Variants in SLC26A8 observed in about 807,000 individuals in gnomAD.
The protein encoded by SLC26A8 is solute carrier family 26 member 8, also known as testis anion transporter 1.
A neutral mutation model predicts 105.0 loss-of-function variants in SLC26A8; 70 were observed. The observed-to-expected ratio is 0.67, with a 90% CI of 0.55 to 0.81. The LOEUF (loss-of-function observed/expected upper bound fraction) is 0.81. Among genes scored for constraint, SLC26A8 ranks in the 40% least tolerant of loss-of-function variants. The pLI is 0.00. For missense variants in SLC26A8, 998 were observed against 1,181.8 expected, an observed-to-expected ratio of 0.84 and a Z score of 2.28; for synonymous variants, 415 against 438.3, an observed-to-expected ratio of 0.95 and a Z score of 0.66.
At position 35,992,590 on chromosome 6, in the gene SLC26A8, G is replaced by A. The variant is rs754325913; in HGVS notation, c.712C>T (p.Leu238Phe). ...AMSAYLAAVA[L>F]HIMLSQLTFI... ...GTCAGCTGGGACAGCATGATATGAA[G>A]TGCCACAGCAGCCAGGTAAGCACTC... Residue 238 changes from leucine to phenylalanine, a missense_variant, in exon 6 of 20, where the codon CTT becomes TTT. By Grantham distance (22) the Leu-to-Phe change is conservative. Transcript: ENST00000490799. The A allele has an allele frequency of 1.9e-6, 3 of 1,614,156 alleles. No homozygotes were observed. Among genetic ancestry groups the A allele is most frequent in the Non-Finnish European group, 1.7e-6 (2 of 1,180,020 alleles).
chr6:35,946,231 T>TTTTTG (rs769712945), intron 19 of SLC26A8, among the ~76,000 whole-genome samples: 5 of 152,164 alleles, frequency 3.3e-5, no homozygotes, highest in Admixed American at 1.3e-4. Flanking sequence ...CACTTGAATT[T>TTTTTG]TTTTGTTTTG....
intron 5 of SLC26A8, among the ~76,000 whole-genome samples, chr6:35,995,669 ATT>A (rs3045894): frequency 0.56 from 83,052 of 149,470 alleles, 23,253 homozygotes; most frequent in South Asian, 0.71. Flanking sequence ...ACACCCAGCT[ATT>A]TTTTTTTTTT....
intron 14 of SLC26A8, 55 bp from the exon 15 acceptor site, chr6:35,959,861 G>T: frequency 1.5e-6 from 2 of 1,313,028 alleles, no homozygotes; most frequent in East Asian, 2.3e-5. Context: ...TATGGAATAA[G>T]AATAATATAT....
intron 11 of SLC26A8, among the ~76,000 whole-genome samples, chr6:35,968,338 T>G (rs1772601462): frequency 6.6e-6 from 1 of 150,598 alleles, no homozygotes; most frequent in Non-Finnish European, 1.5e-5. Flanking sequence ...AGAGATGAGG[T>G]TTCTCCATGT....
intron 3 of SLC26A8, among the ~76,000 whole-genome samples, chr6:36,004,820 A>ATTTTT (rs750395557): frequency 3.3e-5 from 4 of 122,010 alleles, no homozygotes; most frequent in South Asian, 2.6e-4. Flanking sequence ...ACCTAGTTAA[A>ATTTTT]TTTTTTTTTT....
chr6:35,951,429 G>T lies in SLC26A8; in HGVS notation c.2287+16C>A. The stretch of plus-strand genomic sequence containing the variant: ...AGGGTGCAAAACAGCCCTCTCATAG[G>T]GTGAAGGATACTCACAGTGACACCC... On this transcript the variant is annotated intron_variant, in intron 18 of 19. Coordinates refer to ENST00000490799, the MANE Select transcript of SLC26A8 (RefSeq NM_052961.4). 3.1e-6 allele frequency: 5 copies of T among 1,614,028 alleles called. No individual in the cohort carries two copies. Among genetic ancestry groups the T allele is most frequent in the Non-Finnish European group, 4.2e-6 (5 of 1,179,972 alleles).
intron 19 of SLC26A8, among the ~76,000 whole-genome samples, chr6:35,950,648 T>C (rs1484968250): frequency 6.6e-6 from 1 of 152,168 alleles, no homozygotes; most frequent in Non-Finnish European, 1.5e-5. Flanking sequence ...TTGCATTTGG[T>C]CAGCTTGAGT....
chr6:35,963,737 A>G (rs539467385), intron 11 of SLC26A8, among the ~76,000 whole-genome samples: 1 of 152,280 alleles, frequency 6.6e-6, no homozygotes, highest in South Asian at 2.1e-4. Context: ...TGCTTGACAT[A>G]TCTGTTACCT....
chr6:36,013,402 G>A (rs1761914971), intron 2 of SLC26A8, among the ~76,000 whole-genome samples: 1 of 152,038 alleles, frequency 6.6e-6, no homozygotes, highest in South Asian at 2.1e-4. Context: ...TCACCATGTT[G>A]GCCAGGCTGG....
intron 10 of SLC26A8, among the ~76,000 whole-genome samples, chr6:35,974,245 G>A (rs1359565385): frequency 6.6e-6 from 1 of 152,202 alleles, no homozygotes; most frequent in African/African-American, 2.4e-5. Context: ...TTGAGCCTGG[G>A]AGGCGGAGGT....
At chr6:35,978,234 A>G (rs1773121662) in intron 8 of SLC26A8, among the ~76,000 whole-genome samples, 1 of 150,968 alleles carries the variant, frequency 6.6e-6, no homozygotes, top group Admixed American at 6.6e-5. Flanking sequence ...TCAATATATA[A>G]AAGGATAATA....
chr6:35,968,963 A>T lies in SLC26A8; in HGVS notation c.1288-9T>A. The stretch of plus-strand genomic sequence containing the variant: ...CCTACCAGAGATGCAAACTGAGGAG[A>T]CAGAGCCAGTTGGAGAGAAACCATC... On this transcript the variant is annotated splice_polypyrimidine_tract_variant and intron_variant, in intron 10 of 19. Coordinates refer to ENST00000490799, the MANE Select transcript of SLC26A8 (RefSeq NM_052961.4). 6.2e-7 allele frequency: 1 copy of T among 1,611,206 alleles called. No homozygotes were observed. The highest frequency in any genetic ancestry group is 1.6e-4 in the Middle Eastern group (1 of 6,062).
chr6:36,023,605 T>A (rs532495958), intron 1 of SLC26A8, among the ~76,000 whole-genome samples: 3 of 152,020 alleles, frequency 2.0e-5, no homozygotes, highest in Non-Finnish European at 2.9e-5. Context: ...TCCAATTTTT[T>A]AGCTATTGAC....
intron 5 of SLC26A8, among the ~76,000 whole-genome samples, chr6:35,995,238 T>C (rs2127352384): frequency 6.6e-6 from 1 of 152,330 alleles, no homozygotes; most frequent in East Asian, 1.9e-4. Flanking sequence ...TTAGAACTCT[T>C]TCTTGCCCAC....
Position 35,975,386 on chromosome 6 carries a change from CT to C in SLC26A8, c.1275del (p.Gly426GlufsTer9). ...GTATTTCAACATACCTGTTGTCTTC[CT>C]CCAGATTTATCCTGGATAATAGTCC... The part of the protein sequence containing the change: ...IARTIIQDKS[G>X]GRQQFASLVG... On this transcript the variant is annotated frameshift_variant, in exon 10 of 20. Transcript: ENST00000490799. LOFTEE classifies it high-confidence loss of function. 6.3e-7 allele frequency: 1 copy of C among 1,598,458 alleles called. No homozygotes were observed. Among genetic ancestry groups the C allele is most frequent in the Non-Finnish European group, 8.6e-7 (1 of 1,168,716 alleles).
chr6:35,965,300 G>A (rs747172252), intron 11 of SLC26A8, among the ~76,000 whole-genome samples: 8 of 152,252 alleles, frequency 5.3e-5, no homozygotes, highest in Non-Finnish European at 8.8e-5. Flanking sequence ...TCCTAAATAT[G>A]AGAAAATGAG....
At chr6:36,007,950 G>C (rs956241602) in intron 3 of SLC26A8, among the ~76,000 whole-genome samples, 6 of 151,514 alleles carry the variant, frequency 4.0e-5, no homozygotes, top group East Asian at 1.9e-4. Context: ...GAAACCACGT[G>C]TCTACTAAAA....
chr6:35,977,019 A>C (rs1171763381), intron 9 of SLC26A8, among the ~76,000 whole-genome samples, 185 bp downstream of exon 9: 1 of 152,072 alleles, frequency 6.6e-6, no homozygotes, highest in African/African-American at 2.4e-5. Flanking sequence ...GGGCAATAAC[A>C]CTCAGGTTAA....
In SLC26A8 at chr6:35,960,996, T is replaced by C; in HGVS notation, c.1565A>G (p.His522Arg). 1 of 1,614,126 alleles carries C rather than the reference T, an allele frequency of 6.2e-7. No homozygotes were observed. Among genetic ancestry groups the C allele is most frequent in the Non-Finnish European group, 8.5e-7 (1 of 1,179,996 alleles). ...CCTATTACCTGAGACAAAGTACCTG[T>C]GTGAACGAACAGTGGTGATGAAGAA... is the stretch of plus-strand genomic sequence containing the variant. Reference protein sequence around the residue: ...SAFFITTVRSHRAKILLLGQI... With the variant: ...SAFFITTVRSRRAKILLLGQI... Residue 522 changes from histidine (H) to arginine (R), a missense_variant, in exon 13 of 20, where the codon CAC becomes CGC. Transcript: ENST00000490799.
Sources: allele counts gnomAD v4.1 joint callset (sites outside exome capture counted in the v4.1 genomes callset), GRCh38; gene constraint gnomAD v4.1.1; transcripts MANE v1.5; gene names NCBI Gene and HGNC (gene_info 2026-07-23, HGNC 2026-07-21).